Variants in KIF21A observed in about 807,000 individuals in gnomAD.
The protein encoded by KIF21A is kinesin family member 21A.
In KIF21A, 114 loss-of-function variants were observed where a neutral mutation model predicts 202.9. The observed-to-expected ratio is 0.56, with a 90% CI of 0.48 to 0.66. The LOEUF (loss-of-function observed/expected upper bound fraction) is 0.66, where lower values mean the gene tolerates loss of function less well. Among genes scored for constraint, KIF21A ranks in the 30% least tolerant of loss-of-function variants. The probability of loss-of-function intolerance (pLI) is 0.00; values close to 1 mark genes in which losing one functional copy is unlikely to be tolerated. For missense variants in KIF21A, 1,677 were observed against 1,994.9 expected (o/e 0.84, Z 3.04); for synonymous variants, 667 against 670.8 (o/e 0.99, Z 0.09).
At chr12:39,350,578 C>A (rs1300362103) in intron 11 of KIF21A, among the ~76,000 whole-genome samples, 1 of 151,894 alleles carries the variant, frequency 6.6e-6, no homozygotes, top group African/African-American at 2.4e-5. Context: ...TTTCGATAAT[C>A]CTATGATCAT....
intron 1 of KIF21A, among the ~76,000 whole-genome samples, chr12:39,380,666 G>T (rs1398025534): frequency 1.3e-5 from 2 of 151,758 alleles, no homozygotes; most frequent in African/African-American, 4.8e-5. Flanking sequence ...AAGCTAGCTT[G>T]GGCAACATAC....
At chr12:39,303,998 AT>A (rs1205056775) in intron 35 of KIF21A, among the ~76,000 whole-genome samples, 1 of 152,160 alleles carries the variant, frequency 6.6e-6, no homozygotes, top group African/African-American at 2.4e-5. Flanking sequence ...GTTCACATCT[AT>A]GATCTAACTC....
At position 39,375,409 on chromosome 12, in the gene KIF21A, C is replaced by T. The variant is rs546741387; in HGVS notation, c.45-5148G>A. On this transcript the variant is annotated intron_variant, in intron 1 of 37. Transcript: ENST00000361418. Reference sequence around the variant, plus strand: ...TGCTGTGTATGCCAAGAATGCAAGACCCAGACTGCTCTTTTCATGGATCAT... The same window carrying T: ...TGCTGTGTATGCCAAGAATGCAAGATCCAGACTGCTCTTTTCATGGATCAT... 3.3e-5 allele frequency among the ~76,000 whole-genome samples: 5 copies of T among 152,156 alleles called. No homozygotes were observed. The East Asian group carries it at 5.8e-4, about 18-fold the overall frequency.
chr12:39,411,156 C>G (rs1592615093), intron 1 of KIF21A, among the ~76,000 whole-genome samples: 2 of 152,160 alleles, frequency 1.3e-5, no homozygotes, highest in African/African-American at 4.8e-5. Flanking sequence ...ATTGTCCATG[C>G]CTCTTTTAGC....
intron 7 of KIF21A, among the ~76,000 whole-genome samples, 197 bp from the exon 8 acceptor site, chr12:39,358,570 A>T (rs1948969801): frequency 6.6e-6 from 1 of 152,236 alleles, no homozygotes; most frequent in Non-Finnish European, 1.5e-5. Flanking sequence ...AATTGATATT[A>T]TTCACCTTTG....
At chr12:39,433,220 T>C (rs1268090447) in intron 1 of KIF21A, among the ~76,000 whole-genome samples, 1 of 152,196 alleles carries the variant, frequency 6.6e-6, no homozygotes, top group Non-Finnish European at 1.5e-5. Context: ...TTACAAGATA[T>C]ACTTTCAGAC....
At chr12:39,391,532 G>A (rs983493315) in intron 1 of KIF21A, among the ~76,000 whole-genome samples, 8 of 152,148 alleles carry the variant, frequency 5.3e-5, no homozygotes, top group African/African-American at 1.7e-4. Flanking sequence ...CAGCCCAGGA[G>A]TTTGAGACCA....
At chr12:39,375,992 A>T (rs1950247175) in intron 1 of KIF21A, among the ~76,000 whole-genome samples, 1 of 152,062 alleles carries the variant, frequency 6.6e-6, no homozygotes, top group South Asian at 2.1e-4. Flanking sequence ...TCTCTAAGTC[A>T]TTTCCCTCAT....
In KIF21A at chr12:39,340,152, A is replaced by C. The variant is rs752148169; in HGVS notation, c.2310+13T>G. The stretch of plus-strand genomic sequence containing the variant: ...CTGAACATCAAACGTTAATGGAAAA[A>C]AATAATCAATACCTTTGTTTTTTTC... On this transcript the variant is annotated intron_variant, in intron 16 of 37. Transcript: ENST00000361418. 3.1e-6 allele frequency: 5 copies of C among 1,604,954 alleles called. No homozygotes were observed. The South Asian group carries it at 5.5e-5, about 18-fold the overall frequency.
In KIF21A at chr12:39,293,600, G is replaced by T. The variant is rs1022425672; in HGVS notation, c.*824C>A. 2 of 152,242 alleles carry T rather than the reference G, an allele frequency of 1.3e-5. No individual in the cohort carries two copies. Among genetic ancestry groups the T allele is most frequent in the Admixed American group, 1.3e-4 (2 of 15,238 alleles). 9.4% of individuals were successfully genotyped at this position (152,242 alleles called of 1,614,324 possible). A position where few individuals can be genotyped will look rare whatever the true frequency, so the allele number is the denominator to read the frequency against. ...ATATAAAAAATTAGATAAAAGGGAA[G>T]GAAATACTACTATTAAATAAAAACA... On this transcript the variant is annotated 3_prime_UTR_variant, in exon 38 of 38. Coordinates refer to ENST00000361418, the MANE Select transcript of KIF21A (RefSeq NM_001173464.2).
In KIF21A at chr12:39,294,503, C is replaced by A. The variant is rs993800051; in HGVS notation, c.4946G>T (p.Arg1649Ile). Residue 1649 changes from arginine (R) to isoleucine (I), a missense_variant, in exon 38 of 38, where the codon AGA becomes ATA. This residue lies in a region of KIF21A where 705 missense variants were observed against 791.9 expected (regional missense o/e 0.89). Coordinates refer to ENST00000361418, the MANE Select transcript of KIF21A (RefSeq NM_001173464.2). ...IFTAADDRTV[R>I]IWKARNLQDG... is the part of the protein sequence containing the mutation. ...TTGCAAATTGCGAGCCTTCCAAATT[C>A]TCACAGTTCGATCACTACAAAAAAA... The A allele has an allele frequency of 2.5e-6, 4 of 1,613,430 alleles. No individual in the cohort carries two copies. The highest frequency in any genetic ancestry group is 3.4e-6 in the Non-Finnish European group (4 of 1,179,614).
chr12:39,443,047 G>C lies in KIF21A; in HGVS notation c.-77C>G. On this transcript the variant is annotated 5_prime_UTR_variant, in exon 1 of 38. Coordinates refer to ENST00000361418, the MANE Select transcript of KIF21A (RefSeq NM_001173464.2). ...GGCGCCACTGGGGCCGCGGGACTCG[G>C]GCGCAGTAGGCTGGGGCGTCTGCGG... 1 of 1,446,158 alleles carries C rather than the reference G, an allele frequency of 6.9e-7. No individual in the cohort carries two copies. Among genetic ancestry groups the C allele is most frequent in the Non-Finnish European group, 9.1e-7 (1 of 1,093,728 alleles). The allele number at this position is 1,446,158 out of a possible 1,614,324, so 89.6% of individuals were successfully genotyped here. A position where few individuals can be genotyped will look rare whatever the true frequency, so the allele number is the denominator to read the frequency against.
intron 26 of KIF21A, among the ~76,000 whole-genome samples, chr12:39,325,498 A>ATTTTTTTTT (rs397714587): frequency 7.4e-5 from 9 of 121,438 alleles, no homozygotes; most frequent in Non-Finnish European, 1.2e-4. Flanking sequence ...CGCCCAGCTA[A>ATTTTTTTTT]TTTTTTTTTT....
Position 39,330,839 on chromosome 12 carries a change from T to C in KIF21A, c.3226A>G (p.Ser1076Gly). The change falls in exon 23 of 38, where the codon AGT becomes GGT. Residue 1076 changes from serine (S) to glycine (G), a missense_variant. Transcript: ENST00000361418. Reference sequence around the variant, plus strand: ...AATAAGAGCTGGTTTTGGGTAGCACTGGTTATTTCTGTTTGTTTGAGTCGA... The same window carrying C: ...AATAAGAGCTGGTTTTGGGTAGCACCGGTTATTTCTGTTTGTTTGAGTCGA... ...EGRLKQTEIT[S>G]ATQNQLLFHM... 13 of 1,614,030 alleles carry C rather than the reference T, an allele frequency of 8.1e-6. No individual in the cohort carries two copies. Among genetic ancestry groups the C allele is most frequent in the Non-Finnish European group, 1.1e-5 (13 of 1,179,900 alleles).
chr12:39,417,090 T>A (rs1024159241), intron 1 of KIF21A, among the ~76,000 whole-genome samples: 19 of 151,838 alleles, frequency 1.3e-4, no homozygotes, highest in African/African-American at 4.6e-4. Context: ...TGGCTAGGAA[T>A]GGGGCCAGAA....
At chr12:39,387,902 C>T (rs1020638558) in intron 1 of KIF21A, among the ~76,000 whole-genome samples, 9 of 152,098 alleles carry the variant, frequency 5.9e-5, no homozygotes, top group South Asian at 4.1e-4. Context: ...TCTTTTTCCT[C>T]CACAGTAATA....
At chr12:39,357,865 C>T (rs1026239956) in intron 8 of KIF21A, among the ~76,000 whole-genome samples, 2 of 124,054 alleles carry the variant, frequency 1.6e-5, no homozygotes, top group South Asian at 2.6e-4. Flanking sequence ...GCCGAGATCA[C>T]GCCACTGCAC....
intron 1 of KIF21A, among the ~76,000 whole-genome samples, chr12:39,376,221 A>G (rs557711807): frequency 5.9e-5 from 9 of 152,240 alleles, no homozygotes; most frequent in African/African-American, 2.2e-4. Context: ...AGATATACAC[A>G]CATACATTGT....
At chr12:39,308,747 G>A (rs142043085) in intron 33 of KIF21A, among the ~76,000 whole-genome samples, 1 of 151,724 alleles carries the variant, frequency 6.6e-6, no homozygotes, top group African/African-American at 2.4e-5. Flanking sequence ...CAATTGAATT[G>A]GTAAATTCTA....
Sources: gnomAD v4.1 joint callset for allele counts (sites outside exome capture counted in the v4.1 genomes callset) on GRCh38, gnomAD v4.1.1 for gene constraint, gnomAD v4.1.1 regional missense constraint, MANE v1.5 for transcripts, NCBI Gene and HGNC (gene_info 2026-07-23, HGNC 2026-07-21) for gene names.